Variants in ORC2 observed in about 807,000 individuals in gnomAD.
ORC2 encodes the protein origin recognition complex protein 2 homolog.
In ORC2, 37 loss-of-function variants were observed where a neutral mutation model predicts 77.7. The ratio of observed to expected loss-of-function variants is 0.48; its 90% CI spans 0.37 to 0.63. The LOEUF is 0.63. Among genes scored for constraint, ORC2 ranks in the 20% least tolerant of loss-of-function variants. The pLI is 0.00. For synonymous variants in ORC2, 201 were observed against 229.5 expected (o/e 0.88, Z 1.12); for missense variants, 557 against 661.9 (o/e 0.84, Z 1.74).
chr2:200,923,159 T>A lies in ORC2; in HGVS notation c.1148-2020A>T, dbSNP rs369586321. On this transcript the variant is annotated intron_variant, in intron 13 of 17. Transcript: ENST00000234296. Reference sequence around the variant, plus strand: ...CTGCAAATCCTGAATTATTGAATACTGAACCACTGTTCCCAGAGGAAATAC... The same window carrying A: ...CTGCAAATCCTGAATTATTGAATACAGAACCACTGTTCCCAGAGGAAATAC... Among the ~76,000 whole-genome samples, 426 of 152,376 alleles carry A rather than the reference T, an allele frequency of 2.8e-3. 3 individuals carry two copies. The highest frequency in any genetic ancestry group is 0.013 in the South Asian group (62 of 4,834).
At chr2:200,933,226 A>ATTTT (rs1196387811) in intron 10 of ORC2, among the ~76,000 whole-genome samples, 1 of 132,120 alleles carries the variant, frequency 7.6e-6, no homozygotes. Flanking sequence ...ACTGTATGGT[A>ATTTT]TTTTTTTTTT....
rs1249224205 is a variant in ORC2 at position 200,927,491 on chromosome 2, G to A, written c.918-591C>T. Among the ~76,000 whole-genome samples the A allele has an allele frequency of 6.7e-5, 10 of 149,736 alleles. No individual in the cohort carries two copies. In the South Asian group the frequency reaches 8.5e-4, roughly 13 times the overall value. On this transcript the variant is annotated intron_variant, in intron 11 of 17. Transcript: ENST00000234296. ...GGGCGGATCACGAGGTCAGGAGATC[G>A]AGACCACAGTGAAACCCCATCTCTA...
intron 15 of ORC2, among the ~76,000 whole-genome samples, chr2:200,915,796 C>G (rs1473486754): frequency 1.3e-5 from 2 of 151,876 alleles, no homozygotes; most frequent in Non-Finnish European, 2.9e-5. Flanking sequence ...CAGGTTCAAG[C>G]GATTTTCATG....
At chr2:200,939,546 A>C (rs1164219778) in intron 7 of ORC2, among the ~76,000 whole-genome samples, 3 of 152,198 alleles carry the variant, frequency 2.0e-5, no homozygotes, top group African/African-American at 7.2e-5. Context: ...GATACACTTT[A>C]AGACACGATC....
In ORC2 at chr2:200,915,003, C is replaced by CTTTTTTTT. The variant is rs1158807101; in HGVS notation, c.1467-1019_1467-1012dup. On this transcript the variant is annotated intron_variant, in intron 15 of 17. Coordinates refer to ENST00000234296, the MANE Select transcript of ORC2 (RefSeq NM_006190.5). ...CTTCACTTTTTGATTCTTCCCACGT[C>CTTTTTTTT]TTTTTTTTTTTTTTTTTTTTTTTTT... Among the ~76,000 whole-genome samples, 5 of 65,270 alleles carry CTTTTTTTT rather than the reference C, an allele frequency of 7.7e-5. 1 individual carries two copies. The highest frequency in any genetic ancestry group is 1.5e-4 in the Non-Finnish European group (5 of 33,536). The allele number at this position is 65,270 out of a possible 152,430, so 42.8% of individuals were successfully genotyped here. A position where few individuals can be genotyped will look rare whatever the true frequency, so the allele number is the denominator to read the frequency against.
chr2:200,913,526 C>A, intron 16 of ORC2, 113 bp from the exon 17 acceptor site: 1 of 1,400,112 alleles, frequency 7.1e-7, no homozygotes, highest in Non-Finnish European at 9.3e-7. Context: ...TATCCCAGAG[C>A]AGTGAACAAG....
At chr2:200,913,704 T>G in intron 16 of ORC2, 2 of 1,353,932 alleles carry the variant, frequency 1.5e-6, no homozygotes, top group Non-Finnish European at 1.9e-6. Context: ...CACAGAAAAT[T>G]TTAAAAGTAA....
chr2:200,924,062 G>A (rs1300248822), intron 13 of ORC2, among the ~76,000 whole-genome samples: 1 of 152,118 alleles, frequency 6.6e-6, no homozygotes, highest in Middle Eastern at 3.2e-3. Flanking sequence ...GTATAAAAAT[G>A]TATATTGTCT....
Position 200,920,402 on chromosome 2 carries a change from T to C in ORC2, c.1295-9A>G, listed in dbSNP as rs1575154285. On this transcript the variant is annotated splice_polypyrimidine_tract_variant and intron_variant, in intron 14 of 17. Transcript: ENST00000234296. The stretch of plus-strand genomic sequence containing the variant: ...CTTTGCATGATCCCACACTAGCACA[T>C]GATCAAAGAAAACAAGAATTACAAA... 6.7e-7 allele frequency: 1 copy of C among 1,498,892 alleles called. No individual in the cohort carries two copies. Among genetic ancestry groups the C allele is most frequent in the Non-Finnish European group, 8.9e-7 (1 of 1,118,164 alleles). The allele number at this position is 1,498,892 out of a possible 1,614,324, so 92.8% of individuals were successfully genotyped here.
At chr2:200,960,477 G>C (rs1020830860) in intron 1 of ORC2, among the ~76,000 whole-genome samples, 7 of 152,092 alleles carry the variant, frequency 4.6e-5, no homozygotes, top group Non-Finnish European at 1.0e-4. Flanking sequence ...GAAACTGGGT[G>C]TATTAGAGAA....
At chr2:200,942,590 T>C in intron 6 of ORC2, 95 bp downstream of exon 6, 1 of 557,140 alleles carries the variant, frequency 1.8e-6, no homozygotes, top group Non-Finnish European at 2.9e-6. Context: ...AAGAAGAAAA[T>C]ATATATAAAA....
chr2:200,915,850 C>G (rs752581601), intron 15 of ORC2, among the ~76,000 whole-genome samples: 3 of 152,020 alleles, frequency 2.0e-5, no homozygotes, highest in Non-Finnish European at 4.4e-5. Context: ...GACACCACCA[C>G]GCCCAGCTAA....
chr2:200,930,074 G>A (rs1417905094), intron 11 of ORC2, among the ~76,000 whole-genome samples: 1 of 152,054 alleles, frequency 6.6e-6, no homozygotes, highest in African/African-American at 2.4e-5. Flanking sequence ...GAAGCCAGAA[G>A]GGTGAATGAG....
rs562568193 is a variant in ORC2 at position 200,915,427 on chromosome 2, C to T, written c.1467-1435G>A. Among the ~76,000 whole-genome samples, 66 of 152,114 alleles carry T rather than the reference C, an allele frequency of 4.3e-4. 2 individuals are homozygous for T. The highest frequency in any genetic ancestry group is 3.7e-3 in the Admixed American group (56 of 15,274). ...ATTGGTTTGGATGTTTACATTATTT[C>T]TAAGTTTAGATTAAAAATAACTCTT... is the stretch of plus-strand genomic sequence containing the variant. On this transcript the variant is annotated intron_variant, in intron 15 of 17. Transcript: ENST00000234296.
chr2:200,934,396 C>T (rs1447219322), intron 9 of ORC2, among the ~76,000 whole-genome samples: 1 of 151,896 alleles, frequency 6.6e-6, no homozygotes, highest in East Asian at 1.9e-4. Flanking sequence ...CTCACTGTAC[C>T]CCCAACCTCC....
At chr2:200,926,039 C>A in intron 12 of ORC2, 107 bp from the exon 13 acceptor site, 1 of 456,198 alleles carries the variant, frequency 2.2e-6, no homozygotes, top group Non-Finnish European at 3.9e-6. Flanking sequence ...TTGGATTTCC[C>A]AAAAGTTTAA....
At chr2:200,931,157 G>T (rs769854444) in intron 11 of ORC2, among the ~76,000 whole-genome samples, 182 bp downstream of exon 11, 11 of 152,228 alleles carry the variant, frequency 7.2e-5, no homozygotes, top group Middle Eastern at 3.4e-3. Flanking sequence ...TTTCTGGGAA[G>T]AGTCATACAA....
Position 200,949,663 on chromosome 2 carries a change from T to C in ORC2, c.239-20A>G. On this transcript the variant is annotated intron_variant, in intron 4 of 17. Coordinates refer to ENST00000234296, the MANE Select transcript of ORC2 (RefSeq NM_006190.5). Reference sequence around the variant, plus strand: ...ATGATTCTGAAAGAAAAAAATGCAATATACATTTAGGAAAAAAGAACAAAA... The same window carrying C: ...ATGATTCTGAAAGAAAAAAATGCAACATACATTTAGGAAAAAAGAACAAAA... The C allele has an allele frequency of 7.0e-7, 1 of 1,422,170 alleles. No individual in the cohort carries two copies. Among genetic ancestry groups the C allele is most frequent in the Non-Finnish European group, 9.8e-7 (1 of 1,025,426 alleles). 88.1% of individuals were successfully genotyped at this position (1,422,170 alleles called of 1,614,324 possible). A position where few individuals can be genotyped will look rare whatever the true frequency, so the allele number is the denominator to read the frequency against.
chr2:200,949,053 A>G (rs2125017913), intron 5 of ORC2, among the ~76,000 whole-genome samples: 1 of 152,018 alleles, frequency 6.6e-6, no homozygotes, highest in East Asian at 2.0e-4. Context: ...AACCTGGCCA[A>G]CATGGTGAAA....
Sources: gnomAD v4.1 joint callset for allele counts (sites outside exome capture counted in the v4.1 genomes callset) on GRCh38, gnomAD v4.1.1 for gene constraint, MANE v1.5 for transcripts, NCBI Gene and HGNC (gene_info 2026-07-23, HGNC 2026-07-21) for gene names.